Variants in BMPR2 observed in about 807,000 individuals in gnomAD.
BMPR2 encodes bone morphogenetic protein receptor type-2.
In BMPR2, 29 loss-of-function variants were observed where a neutral mutation model predicts 100.8. The observed-to-expected ratio is 0.29, with a 90% CI of 0.21 to 0.39. The LOEUF is 0.39. Among genes scored for constraint, BMPR2 ranks in the 10% least tolerant of loss-of-function variants. The pLI, the probability that BMPR2 is intolerant of heterozygous loss-of-function variation, is 1.00. For missense variants in BMPR2, 1,011 were observed against 1,274.5 expected, an observed-to-expected ratio of 0.79 and a Z score of 3.15; for synonymous variants, 382 against 442.3, an observed-to-expected ratio of 0.86 and a Z score of 1.71.
intron 1 of BMPR2, among the ~76,000 whole-genome samples, chr2:202,445,800 A>T (rs1434867013): frequency 1.6e-4 from 16 of 102,918 alleles, no homozygotes; most frequent in Admixed American, 2.4e-4. Flanking sequence ...TTGAGACGGG[A>T]GTCTTGCTCT....
In BMPR2 at chr2:202,503,424, CGGGCCAGCCGGAGTTCCGGTTGGGCATGG is replaced by C. The variant is rs1687447642; in HGVS notation, c.419-10293_419-10265del. 6.6e-6 allele frequency among the ~76,000 whole-genome samples: 1 copy of C among 152,264 alleles called. No homozygotes were observed. The highest frequency in any genetic ancestry group is 2.4e-5 in the African/African-American group (1 of 41,466). On this transcript the variant is annotated intron_variant, in intron 3 of 12. Transcript: ENST00000374580. The surrounding 1 kb of genome is among the most constrained non-coding windows in gnomAD (Gnocchi z 4.0). ...GAACCGGGGCGGCGTGCCGCGCTTG[CGGGCCAGCCGGAGTTCCGGTTGGGCATGG>C]GCTTGGCGGGCCCCGCACTCGGAGC... is the stretch of plus-strand genomic sequence containing the variant.
At chr2:202,500,232 T>C (rs1305271393) in intron 3 of BMPR2, among the ~76,000 whole-genome samples, 1 of 152,240 alleles carries the variant, frequency 6.6e-6, no homozygotes, top group African/African-American at 2.4e-5. Context: ...CCTGGACGAC[T>C]GTCCTCAAGG....
rs998185101 is a variant in BMPR2 at position 202,562,532 on chromosome 2, T to C, written c.*2586T>C. ...TATTTTAAATGACTTAATTGTATGCTAATACTCATCTGATAATAAATGCTT... is the reference window on the plus strand; with the variant it reads ...TATTTTAAATGACTTAATTGTATGCCAATACTCATCTGATAATAAATGCTT... On this transcript the variant is annotated 3_prime_UTR_variant, in exon 13 of 13. Transcript: ENST00000374580. The C allele has an allele frequency of 6.6e-6, 1 of 152,608 alleles. No individual in the cohort carries two copies. The highest frequency in any genetic ancestry group is 1.5e-5 in the Non-Finnish European group (1 of 68,026). 9.5% of individuals were successfully genotyped at this position (152,608 alleles called of 1,614,324 possible).
At chr2:202,456,843 A>G (rs1012223150) in intron 1 of BMPR2, among the ~76,000 whole-genome samples, 2 of 152,110 alleles carry the variant, frequency 1.3e-5, no homozygotes, top group African/African-American at 2.4e-5. Flanking sequence ...GCCCTTTCAT[A>G]TATCTCTGCT....
At chr2:202,480,121 A>ATTTTCT (rs1171684090) in intron 3 of BMPR2, among the ~76,000 whole-genome samples, 2 of 150,872 alleles carry the variant, frequency 1.3e-5, no homozygotes, top group African/African-American at 2.5e-5. Context: ...CTCTGAAACC[A>ATTTTCT]TTTTCTTTTT....
intron 1 of BMPR2, among the ~76,000 whole-genome samples, chr2:202,415,457 G>A (rs568639688): frequency 1.3e-5 from 2 of 152,316 alleles, no homozygotes; most frequent in East Asian, 1.9e-4. Flanking sequence ...GGCAACAAGA[G>A]CGGAACTGCA....
intron 9 of BMPR2, among the ~76,000 whole-genome samples, chr2:202,539,502 G>T (rs188357685): frequency 6.6e-6 from 1 of 152,064 alleles, no homozygotes; most frequent in East Asian, 1.9e-4. Context: ...AGAGAATAGT[G>T]TATACTAACT....
chr2:202,561,149 G>A lies in BMPR2; in HGVS notation c.*1203G>A, dbSNP rs1688672822. ...TCCTCTTCCCATGACCTAAAACACT[G>A]TGAGGAAAAATCATTCAAGTGGCAT... On this transcript the variant is annotated 3_prime_UTR_variant, in exon 13 of 13. Coordinates refer to ENST00000374580, the MANE Select transcript of BMPR2 (RefSeq NM_001204.7). 1 of 152,080 alleles carries A rather than the reference G, an allele frequency of 6.6e-6. No individual in the cohort carries two copies. Among genetic ancestry groups the A allele is most frequent in the Admixed American group, 6.6e-5 (1 of 15,260 alleles). 9.4% of individuals were successfully genotyped at this position (152,080 alleles called of 1,614,324 possible). A position where few individuals can be genotyped will look rare whatever the true frequency, so the allele number is the denominator to read the frequency against.
At chr2:202,397,087 G>A (rs1269454750) in intron 1 of BMPR2, among the ~76,000 whole-genome samples, 2 of 152,046 alleles carry the variant, frequency 1.3e-5, no homozygotes, top group Non-Finnish European at 2.9e-5. Flanking sequence ...ATGAGCCACC[G>A]TGCCCAGCCT....
chr2:202,395,869 G>A (rs1448383407), intron 1 of BMPR2, among the ~76,000 whole-genome samples: 4 of 152,054 alleles, frequency 2.6e-5, no homozygotes, highest in African/African-American at 7.2e-5. Context: ...CCTGGGAGGC[G>A]GAGGTTGCAG....
At chr2:202,478,528 T>C (rs1365663213) in intron 3 of BMPR2, among the ~76,000 whole-genome samples, 2 of 152,118 alleles carry the variant, frequency 1.3e-5, no homozygotes, top group Non-Finnish European at 2.9e-5. Flanking sequence ...AAGGCTGAGG[T>C]GGGAGGATCA....
Position 202,495,782 on chromosome 2 carries a change from TTAA to T in BMPR2, c.419-17932_419-17930del, listed in dbSNP as rs1287475047. 9.2e-5 allele frequency among the ~76,000 whole-genome samples: 14 copies of T among 152,370 alleles called. No individual in the cohort carries two copies. The highest frequency in any genetic ancestry group is 3.1e-4 in the African/African-American group (13 of 41,590). On this transcript the variant is annotated intron_variant, in intron 3 of 12. Coordinates refer to ENST00000374580, the MANE Select transcript of BMPR2 (RefSeq NM_001204.7). This position sits in a 1 kb window ranked among gnomAD's most constrained non-coding sequence, Gnocchi z 4.5. ...TTTTTCATTCTCTCCAATATATGAA[TTAA>T]TAATCCATTTCAGATTTTGAATTAA...
intron 1 of BMPR2, among the ~76,000 whole-genome samples, chr2:202,402,240 C>T (rs758626516): frequency 3.3e-5 from 5 of 152,098 alleles, no homozygotes; most frequent in African/African-American, 9.7e-5. Context: ...TCAATTTGGC[C>T]GGGTGTGGTG....
chr2:202,469,540 C>G, intron 3 of BMPR2: 1 of 314,378 alleles, frequency 3.2e-6, no homozygotes, highest in Non-Finnish European at 6.5e-6. Flanking sequence ...AGTACAGTGG[C>G]ACGATCCCGG....
intron 1 of BMPR2, among the ~76,000 whole-genome samples, chr2:202,391,666 A>G (rs1690551916): frequency 6.6e-6 from 1 of 150,666 alleles, no homozygotes; most frequent in African/African-American, 2.5e-5. Flanking sequence ...AGTTCACTGC[A>G]GCGTCTGCCT....
chr2:202,472,962 A>C (rs1354889946), intron 3 of BMPR2, among the ~76,000 whole-genome samples: 1 of 152,256 alleles, frequency 6.6e-6, no homozygotes, highest in Non-Finnish European at 1.5e-5. Context: ...ACTAACCTCA[A>C]GAAAAATAAC....
At chr2:202,487,985 C>T (rs1692813572) in intron 3 of BMPR2, among the ~76,000 whole-genome samples, 1 of 152,202 alleles carries the variant, frequency 6.6e-6, no homozygotes, top group East Asian at 1.9e-4. Context: ...GCTGGGATTG[C>T]AGGCGTGAGC....
Position 202,513,813 on chromosome 2 carries a change from A to T in BMPR2, c.513A>T (p.Gly171=), listed in dbSNP as rs776029242. 118 of 1,610,670 alleles carry T rather than the reference A, an allele frequency of 7.3e-5. No individual in the cohort carries two copies. The highest frequency in any genetic ancestry group is 9.7e-5 in the Non-Finnish European group (114 of 1,177,552). The change falls in exon 4 of 13, where the codon GGA becomes GGT. Residue 171 remains glycine, a synonymous_variant. Coordinates refer to ENST00000374580, the MANE Select transcript of BMPR2 (RefSeq NM_001204.7). ...LAVLIVALCF[G]YRMLTGDRKQ... ...TTTTGATAGTTGCCTTATGCTTTGG[A>T]TACAGAATGTTGACAGGTAAAAATT... is the stretch of plus-strand genomic sequence containing the variant.
chr2:202,469,986 T>C (rs1242529191), intron 3 of BMPR2, among the ~76,000 whole-genome samples: 1 of 152,144 alleles, frequency 6.6e-6, no homozygotes, highest in Non-Finnish European at 1.5e-5. Flanking sequence ...TTTGAGAAGA[T>C]TTGTCTTTTA....
Sources: gnomAD v4.1 joint callset for allele counts (sites outside exome capture counted in the v4.1 genomes callset) on GRCh38, gnomAD v4.1.1 for gene constraint, Gnocchi (gnomAD v3.1) non-coding constraint, MANE v1.5 for transcripts, NCBI Gene and HGNC (gene_info 2026-07-23, HGNC 2026-07-21) for gene names.